NELL1: variants seen among roughly 807,000 people sequenced by gnomAD.
NELL1 encodes protein kinase C-binding protein NELL1.
A neutral mutation model predicts 107.4 loss-of-function variants in NELL1; 76 were observed. That is an observed-to-expected ratio of 0.71 (90% CI 0.59 to 0.86). The LOEUF (loss-of-function observed/expected upper bound fraction) is 0.86. Ranked by LOEUF, NELL1 falls within the 40% of genes least tolerant of loss-of-function variation. NELL1 has a pLI of 0.00. For missense variants in NELL1, 1,024 were observed against 1,005.5 expected (o/e 1.02, Z -0.25); for synonymous variants, 353 against 341.2 (o/e 1.03, Z -0.38).
intron 15 of NELL1, among the ~76,000 whole-genome samples, chr11:21,467,349 T>C (rs1854057528): frequency 6.6e-6 from 1 of 152,126 alleles, no homozygotes; most frequent in African/African-American, 2.4e-5. Flanking sequence ...TATACACTGC[T>C]GACAGTGCTA....
At chr11:21,156,343 G>T (rs191591436) in intron 13 of NELL1, among the ~76,000 whole-genome samples, 2 of 152,312 alleles carry the variant, frequency 1.3e-5, no homozygotes, top group Admixed American at 6.5e-5. Flanking sequence ...AGTTGCCTCT[G>T]CCAGAGTAGA....
intron 1 of NELL1, among the ~76,000 whole-genome samples, chr11:20,671,739 G>A (rs1565299464): frequency 6.6e-6 from 1 of 151,458 alleles, no homozygotes; most frequent in Non-Finnish European, 1.5e-5. Context: ...AATCTAGATA[G>A]AAACTGGCAG....
intron 14 of NELL1, among the ~76,000 whole-genome samples, chr11:21,304,909 A>T (rs533255906): frequency 6.6e-6 from 1 of 152,152 alleles, no homozygotes; most frequent in Admixed American, 6.6e-5. Flanking sequence ...GTAAGGATAG[A>T]AAATATGATG....
At chr11:21,552,430 C>A (rs960346504) in intron 16 of NELL1, among the ~76,000 whole-genome samples, 1 of 151,652 alleles carries the variant, frequency 6.6e-6, no homozygotes, top group African/African-American at 2.4e-5. Context: ...TAGTGACCTA[C>A]TTTGGTTTTC....
intron 12 of NELL1, among the ~76,000 whole-genome samples, chr11:21,099,266 T>C (rs1284249058): frequency 6.7e-6 from 1 of 148,612 alleles, no homozygotes; most frequent in East Asian, 2.0e-4. Flanking sequence ...TCAGCTGTCA[T>C]CCCATGGCAT....
At chr11:21,060,849 G>A (rs1853723427) in intron 12 of NELL1, among the ~76,000 whole-genome samples, 1 of 152,058 alleles carries the variant, frequency 6.6e-6, no homozygotes, top group Admixed American at 6.6e-5. Flanking sequence ...TTACAGGCAT[G>A]CTCAGCCTCC....
At chr11:20,687,240 T>C (rs1483088867) in intron 2 of NELL1, among the ~76,000 whole-genome samples, 1 of 151,990 alleles carries the variant, frequency 6.6e-6, no homozygotes, top group Non-Finnish European at 1.5e-5. Flanking sequence ...TTATTACATG[T>C]GGTATTGAAT....
At chr11:20,716,653 A>ATG (rs558868181) in intron 2 of NELL1, among the ~76,000 whole-genome samples, 1 of 152,320 alleles carries the variant, frequency 6.6e-6, no homozygotes, top group South Asian at 2.1e-4. Flanking sequence ...TAGTGGCAAA[A>ATG]TGTGAAGCCT....
chr11:21,082,291 A>G (rs1272811291), intron 12 of NELL1, among the ~76,000 whole-genome samples: 1 of 152,174 alleles, frequency 6.6e-6, no homozygotes, highest in Admixed American at 6.5e-5. Context: ...GCACTACAGG[A>G]AAAAATCATT....
intron 12 of NELL1, among the ~76,000 whole-genome samples, chr11:21,017,005 C>T (rs1306017316): frequency 2.6e-5 from 4 of 152,050 alleles, no homozygotes; most frequent in East Asian, 1.9e-4. Context: ...ATCTAAATTT[C>T]CTTTGCCTCA....
intron 7 of NELL1, among the ~76,000 whole-genome samples, chr11:20,922,008 T>C (rs1463866616): frequency 1.3e-5 from 2 of 152,108 alleles, no homozygotes; most frequent in Non-Finnish European, 2.9e-5. Context: ...AGATTTTTTT[T>C]TCCTTCTAGC....
At chr11:20,689,906 T>G (rs1391224339) in intron 2 of NELL1, among the ~76,000 whole-genome samples, 2 of 151,196 alleles carry the variant, frequency 1.3e-5, no homozygotes, top group South Asian at 4.2e-4. Flanking sequence ...CCACCAACAG[T>G]GTAAAAGTGT....
At chr11:21,055,768 G>A (rs950688115) in intron 12 of NELL1, among the ~76,000 whole-genome samples, 11 of 152,120 alleles carry the variant, frequency 7.2e-5, no homozygotes, top group African/African-American at 2.7e-4. Flanking sequence ...GTCATGGACT[G>A]TTCCTTTCAT....
chr11:21,162,098 G>A (rs1856385509), intron 13 of NELL1, among the ~76,000 whole-genome samples: 1 of 151,854 alleles, frequency 6.6e-6, no homozygotes, highest in Non-Finnish European at 1.5e-5. Flanking sequence ...CTATAGGCAT[G>A]AGCCACCAGG....
chr11:21,335,353 C>T (rs1328050674), intron 14 of NELL1, among the ~76,000 whole-genome samples: 1 of 152,130 alleles, frequency 6.6e-6, no homozygotes, highest in East Asian at 1.9e-4. Flanking sequence ...ATTTTTCTCA[C>T]TTTCCTATTA....
chr11:20,806,172 T>C (rs1857379590), intron 3 of NELL1, among the ~76,000 whole-genome samples: 1 of 151,836 alleles, frequency 6.6e-6, no homozygotes, highest in Non-Finnish European at 1.5e-5. Context: ...TAGCATTTCT[T>C]ATAGGACAGT....
chr11:21,571,023 AGTTTTT>A, intron 18 of NELL1, 83 bp downstream of exon 18: 1 of 1,303,916 alleles, frequency 7.7e-7, no homozygotes, highest in African/African-American at 1.5e-5. Flanking sequence ...CCTAGTTCCC[AGTTTTT>A]CATAATACTA....
intron 11 of NELL1, among the ~76,000 whole-genome samples, chr11:20,956,949 A>G (rs920711233): frequency 1.3e-4 from 20 of 152,174 alleles, no homozygotes; most frequent in Admixed American, 9.2e-4. Context: ...TAATATAGAA[A>G]CAACTTTCTG....
chr11:21,268,899 A>G (rs1848685549), intron 14 of NELL1, among the ~76,000 whole-genome samples: 1 of 152,182 alleles, frequency 6.6e-6, no homozygotes. Context: ...ATTCTAATGG[A>G]TAAAGTAGAC....
Sources: allele counts gnomAD v4.1 joint callset (sites outside exome capture counted in the v4.1 genomes callset), GRCh38; gene constraint gnomAD v4.1.1; transcripts MANE v1.5; gene names NCBI Gene and HGNC (gene_info 2026-07-23, HGNC 2026-07-21).